BTAF1: variants seen among roughly 807,000 people sequenced by gnomAD.
BTAF1 encodes TATA-binding protein-associated factor 172.
Under a neutral mutation model 227.1 loss-of-function variants are expected in BTAF1, and 38 were observed. That is an observed-to-expected ratio of 0.17 (90% CI 0.13 to 0.22). BTAF1 has a LOEUF of 0.22. Among genes scored for constraint, BTAF1 ranks in the 10% least tolerant of loss-of-function variants. The pLI is 1.00. For missense variants in BTAF1, 1,598 were observed against 2,204.0 expected (o/e 0.73, Z 5.51); for synonymous variants, 742 against 751.9 (o/e 0.99, Z 0.21).
chr10:91,992,071 T>G, intron 20 of BTAF1, 48 bp from the exon 21 acceptor site: 1 of 1,437,304 alleles, frequency 7.0e-7, no homozygotes, highest in Non-Finnish European at 9.3e-7. Flanking sequence ...AAACATTTGG[T>G]ATCACCAATA....
chr10:91,935,814 A>G, intron 2 of BTAF1, 34 bp downstream of exon 2: 1 of 1,524,570 alleles, frequency 6.6e-7, no homozygotes, highest in Non-Finnish European at 8.9e-7. Context: ...AGCATAATAC[A>G]ATTGTAGAGA....
At chr10:91,963,253 T>C (rs1463318996) in intron 12 of BTAF1, among the ~76,000 whole-genome samples, 1 of 151,808 alleles carries the variant, frequency 6.6e-6, no homozygotes, top group Non-Finnish European at 1.5e-5. Context: ...CACATGCCAC[T>C]GTGCCTTGGC....
At chr10:91,955,858 G>A (rs1018461216) in intron 6 of BTAF1, among the ~76,000 whole-genome samples, 4 of 152,074 alleles carry the variant, frequency 2.6e-5, no homozygotes, top group African/African-American at 9.7e-5. Context: ...AAAATGGTTG[G>A]CCAAATAAAT....
chr10:91,953,018 A>G (rs1019711599), intron 5 of BTAF1, among the ~76,000 whole-genome samples: 12 of 152,100 alleles, frequency 7.9e-5, no homozygotes, highest in African/African-American at 2.9e-4. Flanking sequence ...CCTTTGGGGG[A>G]AGTTGCTTGA....
At position 92,024,870 on chromosome 10, in the gene BTAF1, G is replaced by T; in HGVS notation, c.4978G>T (p.Val1660Leu). The part of the protein sequence containing the change: ...FCQLKSMLDI[V>L]EHDLLKPHLP... ...TCAGCTGAAAAGCATGCTTGATATA[G>T]TAGAGCATGATCTCCTCAAACCTCA... is the stretch of plus-strand genomic sequence containing the variant. Residue 1660 changes from valine to leucine, a missense_variant, in exon 35 of 38, where the codon GTA (valine) becomes TTA (leucine). This residue lies in a region of BTAF1 where 205 missense variants were observed against 244.5 expected (regional missense o/e 0.84). Transcript: ENST00000265990. 6.2e-7 allele frequency: 1 copy of T among 1,613,840 alleles called. No homozygotes were observed. The highest frequency in any genetic ancestry group is 1.3e-5 in the African/African-American group (1 of 74,948).
chr10:92,001,631 GAAAA>G (rs757264989), intron 25 of BTAF1, among the ~76,000 whole-genome samples: 57 of 151,062 alleles, frequency 3.8e-4, no homozygotes, highest in Admixed American at 1.2e-3. Context: ...ATAGTTCCCA[GAAAA>G]AAAAGCCTCA....
chr10:91,999,006 T>A (rs951318826), intron 25 of BTAF1, among the ~76,000 whole-genome samples: 11 of 148,708 alleles, frequency 7.4e-5, no homozygotes, highest in African/African-American at 2.7e-4. Context: ...GAGGTTGCAG[T>A]GAACCAAGAT....
At position 91,973,898 on chromosome 10, in the gene BTAF1, C is replaced by T. The variant is rs573991864; in HGVS notation, c.1651-6556C>T. On this transcript the variant is annotated intron_variant, in intron 14 of 37. Transcript: ENST00000265990. ...CAGCCTGGGCGACAGAGCGAGACTC[C>T]GTCTCAAAAAAAAAAAAAAAAAAAA... Among the ~76,000 whole-genome samples the T allele has an allele frequency of 8.8e-5, 9 of 102,368 alleles. No individual in the cohort carries two copies. The East Asian group carries it at 2.5e-3, about 29-fold the overall frequency. The allele number at this position is 102,368 out of a possible 152,430, so 67.2% of individuals were successfully genotyped here.
chr10:91,994,087 G>A (rs1848984197), intron 22 of BTAF1, among the ~76,000 whole-genome samples: 1 of 152,166 alleles, frequency 6.6e-6, no homozygotes, highest in Admixed American at 6.5e-5. Flanking sequence ...GCCCAGGTGG[G>A]CAGATCACTT....
chr10:91,982,406 T>C, intron 17 of BTAF1, 181 bp downstream of exon 17: 1 of 1,063,582 alleles, frequency 9.4e-7, no homozygotes, highest in Non-Finnish European at 1.3e-6. Context: ...AGCTTTAAAA[T>C]AGGATTTATA....
chr10:92,016,557 C>G, intron 33 of BTAF1, 92 bp downstream of exon 33: 2 of 1,080,042 alleles, frequency 1.9e-6, no homozygotes, highest in Non-Finnish European at 2.5e-6. Context: ...CGGCTCACTG[C>G]AACCTCTGCC....
intron 25 of BTAF1, among the ~76,000 whole-genome samples, chr10:92,003,177 G>T (rs866602318): frequency 6.6e-6 from 1 of 151,684 alleles, no homozygotes; most frequent in African/African-American, 2.4e-5. Context: ...AAAAGTTACG[G>T]CGTCCAACAT....
intron 18 of BTAF1, 76 bp from the exon 19 acceptor site, chr10:91,984,125 T>C: frequency 7.8e-7 from 1 of 1,284,018 alleles, no homozygotes; most frequent in Non-Finnish European, 1.1e-6. Context: ...AACTTGGTAG[T>C]CTACAAATGA....
chr10:92,028,068 A>C (rs1851647512), intron 37 of BTAF1, among the ~76,000 whole-genome samples: 1 of 152,226 alleles, frequency 6.6e-6, no homozygotes, highest in Admixed American at 6.5e-5. Flanking sequence ...CCTGGTGGCC[A>C]GAATGGAGGC....
intron 4 of BTAF1, among the ~76,000 whole-genome samples, chr10:91,947,370 GAGTTTTTTTT>G (rs1010720044): frequency 6.6e-6 from 1 of 151,716 alleles, no homozygotes; most frequent in African/African-American, 2.4e-5. Context: ...TATCGATTTT[GAGTTTTTTTT>G]GTATATGTTT....
chr10:92,006,038 T>C (rs1414559182), intron 25 of BTAF1, among the ~76,000 whole-genome samples: 1 of 152,086 alleles, frequency 6.6e-6, no homozygotes. Context: ...CACACCTGGC[T>C]ATTTTTTAAA....
chr10:91,959,237 C>T lies in BTAF1; in HGVS notation c.990+83C>T, dbSNP rs538688326. 9.3e-5 allele frequency: 148 copies of T among 1,589,522 alleles called. 1 individual carries two copies. The East Asian group carries it at 2.4e-3, about 26-fold the overall frequency. On this transcript the variant is annotated intron_variant, in intron 9 of 37. Transcript: ENST00000265990. ...ATGTAGGGAAGTAACGAGTATGTGC[C>T]GTGAAGTAGGAATGAGAGGTAAATA...
chr10:91,935,388 C>G (rs1844541064), intron 1 of BTAF1, among the ~76,000 whole-genome samples: 1 of 152,198 alleles, frequency 6.6e-6, no homozygotes, highest in South Asian at 2.1e-4. Context: ...CCCCATCCCT[C>G]TTGCTTTTCC....
chr10:91,965,017 A>G (rs188549647), intron 13 of BTAF1, among the ~76,000 whole-genome samples: 3 of 152,330 alleles, frequency 2.0e-5, no homozygotes, highest in Non-Finnish European at 4.4e-5. Flanking sequence ...CATGAAACCC[A>G]TAGATGTATA....
Sources: gnomAD v4.1 joint callset for allele counts (sites outside exome capture counted in the v4.1 genomes callset) on GRCh38, gnomAD v4.1.1 for gene constraint, gnomAD v4.1.1 regional missense constraint, MANE v1.5 for transcripts, NCBI Gene and HGNC (gene_info 2026-07-23, HGNC 2026-07-21) for gene names.